The following HACE1 variants were observed in gnomAD, a reference collection of about 807,000 sequenced individuals.
HACE1 encodes HECT domain and ankyrin repeat containing E3 ubiquitin protein ligase 1.
In HACE1, 73 loss-of-function variants were observed where a neutral mutation model predicts 118.4. The observed-to-expected ratio is 0.62, with a 90% CI of 0.51 to 0.75. The LOEUF is 0.75. HACE1 is among the 30% of genes least tolerant of loss of function. The pLI, the probability that HACE1 is intolerant of heterozygous loss-of-function variation, is 0.00. For synonymous variants in HACE1, 368 were observed against 374.8 expected, an observed-to-expected ratio of 0.98 and a Z score of 0.21; for missense variants, 749 against 1,102.2, an observed-to-expected ratio of 0.68 and a Z score of 4.54.
intron 14 of HACE1, among the ~76,000 whole-genome samples, chr6:104,779,684 T>C (rs1781539093): frequency 6.6e-6 from 1 of 152,156 alleles, no homozygotes; most frequent in African/African-American, 2.4e-5. Context: ...AGTATGGGCT[T>C]TGAAGTCAGA....
chr6:104,802,926 C>G (rs1035448898), intron 7 of HACE1, among the ~76,000 whole-genome samples: 2 of 152,112 alleles, frequency 1.3e-5, no homozygotes, highest in African/African-American at 4.8e-5. Context: ...AATCCAGGAG[C>G]TGGTTTTTTG....
chr6:104,851,589 T>C (rs1457773084), intron 2 of HACE1, among the ~76,000 whole-genome samples: 1 of 152,196 alleles, frequency 6.6e-6, no homozygotes, highest in Non-Finnish European at 1.5e-5. Context: ...GCTTTAGCTT[T>C]CCTTAGATTC....
chr6:104,779,873 C>A (rs1230101772), intron 14 of HACE1, among the ~76,000 whole-genome samples: 2 of 151,888 alleles, frequency 1.3e-5, no homozygotes, highest in Admixed American at 6.6e-5. Context: ...TTATAATAAT[C>A]ATAATAATAA....
At chr6:104,790,345 T>G (rs997075981) in intron 11 of HACE1, among the ~76,000 whole-genome samples, 1 of 152,256 alleles carries the variant, frequency 6.6e-6, no homozygotes, top group Non-Finnish European at 1.5e-5. Context: ...CTTTGAATTT[T>G]AGAGACAGCA....
Position 104,790,352 on chromosome 6 carries a change from A to T in HACE1, c.1074+1152T>A, listed in dbSNP as rs75593843. ...TAGTTTAGCTTTGAATTTTAGAGAC[A>T]GCAAAGCTTTCAATCCTAACTAGTT... is the stretch of plus-strand genomic sequence containing the variant. On this transcript the variant is annotated intron_variant, in intron 11 of 23. Coordinates refer to ENST00000262903, the MANE Select transcript of HACE1 (RefSeq NM_020771.4). 3.2e-3 allele frequency among the ~76,000 whole-genome samples: 484 copies of T among 152,378 alleles called. 5 individuals carry two copies. Among genetic ancestry groups the T allele is most frequent in the African/African-American group, 0.011 (470 of 41,598 alleles).
chr6:104,751,036 C>T (rs887210268), intron 19 of HACE1, among the ~76,000 whole-genome samples: 5 of 152,230 alleles, frequency 3.3e-5, no homozygotes, highest in Admixed American at 2.6e-4. Context: ...CCTAAATGAT[C>T]TGGCCTCTGC....
chr6:104,781,317 T>C (rs1781719902), intron 14 of HACE1, among the ~76,000 whole-genome samples: 1 of 152,126 alleles, frequency 6.6e-6, no homozygotes. Flanking sequence ...CATGTTAACA[T>C]AACCCCATCA....
At chr6:104,775,844 A>G (rs1436842888) in intron 17 of HACE1, among the ~76,000 whole-genome samples, 2 of 150,322 alleles carry the variant, frequency 1.3e-5, no homozygotes, top group Non-Finnish European at 3.0e-5. Flanking sequence ...ATTTGCTGCT[A>G]GTTTGGTTGG....
intron 14 of HACE1, among the ~76,000 whole-genome samples, chr6:104,779,507 A>AT (rs1321812687): frequency 6.6e-6 from 1 of 152,282 alleles, no homozygotes; most frequent in East Asian, 1.9e-4. Flanking sequence ...AGTCTTCCAC[A>AT]TTTTTTATAA....
intron 6 of HACE1, among the ~76,000 whole-genome samples, chr6:104,827,410 G>A (rs1475511421): frequency 6.6e-6 from 1 of 152,078 alleles, no homozygotes; most frequent in African/African-American, 2.4e-5. Context: ...TCACTAATCA[G>A]TGACTGGTTT....
At chr6:104,769,474 G>C (rs1428812942) in intron 19 of HACE1, among the ~76,000 whole-genome samples, 44 of 152,200 alleles carry the variant, frequency 2.9e-4, no homozygotes, top group South Asian at 6.2e-4. Flanking sequence ...TTGAGGGTAG[G>C]CCTCCAGTGT....
At chr6:104,733,148 A>G (rs1775396410) in intron 22 of HACE1, among the ~76,000 whole-genome samples, 1 of 152,208 alleles carries the variant, frequency 6.6e-6, no homozygotes, top group South Asian at 2.1e-4. Context: ...TTCAAATTAA[A>G]TGTAACTATT....
chr6:104,765,173 T>C (rs1032576053), intron 19 of HACE1, among the ~76,000 whole-genome samples: 1 of 152,228 alleles, frequency 6.6e-6, no homozygotes, highest in Non-Finnish European at 1.5e-5. Context: ...AGCTGGATGA[T>C]GAGCAGAGCA....
chr6:104,730,035 G>C (rs1203223941), intron 23 of HACE1, among the ~76,000 whole-genome samples: 2 of 152,116 alleles, frequency 1.3e-5, no homozygotes, highest in Admixed American at 1.3e-4. Flanking sequence ...GTGATGGTGT[G>C]TAACTCAGTG....
chr6:104,855,119 G>A (rs1190266067), intron 1 of HACE1, among the ~76,000 whole-genome samples: 1 of 152,124 alleles, frequency 6.6e-6, no homozygotes, highest in Non-Finnish European at 1.5e-5. Context: ...TGTAACAGTG[G>A]CATTATGTGG....
intron 19 of HACE1, among the ~76,000 whole-genome samples, chr6:104,761,913 G>A (rs1779399961): frequency 6.6e-6 from 1 of 152,178 alleles, no homozygotes; most frequent in Non-Finnish European, 1.5e-5. Context: ...CTTCTCAAAA[G>A]AAGACATTTA....
At chr6:104,772,457 G>A (rs373105035) in intron 17 of HACE1, among the ~76,000 whole-genome samples, 107 of 152,232 alleles carry the variant, frequency 7.0e-4, no homozygotes, top group African/African-American at 2.3e-3. Context: ...GCAATAGGCT[G>A]TTCGCTAGGA....
rs200046496 is a variant in HACE1 at position 104,784,492 on chromosome 6, G to T, written c.1410-7C>A. ...GAAACGAGGTGAAGTCATTCTGTGG[G>T]GGGAAAACATCAATCAGAATACACA... On this transcript the variant is annotated splice_region_variant and splice_polypyrimidine_tract_variant and intron_variant, in intron 12 of 23. Transcript: ENST00000262903. The T allele has an allele frequency of 5.6e-6, 9 of 1,601,314 alleles. No homozygotes were observed. The highest frequency in any genetic ancestry group is 7.7e-6 in the Non-Finnish European group (9 of 1,168,766).
At chr6:104,840,981 C>T (rs1775060078) in intron 5 of HACE1, among the ~76,000 whole-genome samples, 1 of 151,778 alleles carries the variant, frequency 6.6e-6, no homozygotes, top group Non-Finnish European at 1.5e-5. Flanking sequence ...ATTAGCTGGG[C>T]ATGGTAGCAG....
Sources: gnomAD v4.1 joint callset for allele counts (sites outside exome capture counted in the v4.1 genomes callset) on GRCh38, gnomAD v4.1.1 for gene constraint, MANE v1.5 for transcripts, NCBI Gene and HGNC (gene_info 2026-07-23, HGNC 2026-07-21) for gene names.